TRHR: variants seen among roughly 807,000 people sequenced by gnomAD.
TRHR encodes the protein thyrotropin releasing hormone receptor, also known as thyrotropin-releasing hormone receptor.
Under a neutral mutation model 28.0 loss-of-function variants are expected in TRHR, and 14 were observed. The observed-to-expected ratio is 0.50, with a 90% CI of 0.33 to 0.78. The LOEUF is 0.78. Ranked by LOEUF, TRHR falls within the 30% of genes least tolerant of loss-of-function variation. The pLI, the probability that TRHR is intolerant of heterozygous loss-of-function variation, is 0.02. For synonymous variants in TRHR, 176 were observed against 171.9 expected (o/e 1.02, Z -0.18); for missense variants, 438 against 469.5 (o/e 0.93, Z 0.62).
intron 2 of TRHR, among the ~76,000 whole-genome samples, chr8:109,103,252 A>T (rs1324705479): frequency 3.9e-5 from 6 of 152,140 alleles, no homozygotes; most frequent in Non-Finnish European, 7.4e-5. Flanking sequence ...GACATGTCTT[A>T]TGTTCACAGT....
rs1811992548 is a variant in TRHR at position 109,120,533 on chromosome 8, C to T, written c.*1078C>T. 6.6e-6 allele frequency among the ~76,000 whole-genome samples: 1 copy of T among 151,370 alleles called. No homozygotes were observed. The highest frequency in any genetic ancestry group is 2.4e-5 in the African/African-American group (1 of 41,256). On this transcript the variant is annotated 3_prime_UTR_variant, in exon 3 of 3. Coordinates refer to ENST00000518632, the MANE Select transcript of TRHR (RefSeq NM_003301.7). ...TTTACCTTGACTGCAATTGTCTTTC[C>T]TTCCTATCTGCTTGTTGTTTGTAGG...
chr8:109,091,131 A>G (rs1811512680), intron 2 of TRHR, among the ~76,000 whole-genome samples: 1 of 152,192 alleles, frequency 6.6e-6, no homozygotes, highest in Non-Finnish European at 1.5e-5. Flanking sequence ...TTGGTGGAAG[A>G]AAGACCACTT....
chr8:109,109,255 T>G (rs536441642), intron 2 of TRHR, among the ~76,000 whole-genome samples: 1 of 152,128 alleles, frequency 6.6e-6, no homozygotes, highest in South Asian at 2.1e-4. Context: ...TCAGGAAAAA[T>G]ATTCCTTCCC....
intron 2 of TRHR, among the ~76,000 whole-genome samples, chr8:109,118,490 A>G (rs1811952645): frequency 6.6e-6 from 1 of 151,980 alleles, no homozygotes; most frequent in Admixed American, 6.6e-5. Context: ...AAGTCTCCTA[A>G]TGCTTGTCAC....
intron 2 of TRHR, among the ~76,000 whole-genome samples, chr8:109,115,545 C>T (rs574024591): frequency 6.6e-6 from 1 of 152,184 alleles, no homozygotes; most frequent in East Asian, 1.9e-4. Flanking sequence ...AAGTTGGATT[C>T]CTAGGTATTT....
intron 2 of TRHR, among the ~76,000 whole-genome samples, chr8:109,105,553 A>T (rs142856183): frequency 1.3e-5 from 2 of 152,292 alleles, no homozygotes; most frequent in Non-Finnish European, 2.9e-5. Flanking sequence ...TCTAAGGAGA[A>T]ATGGGAAAAC....
chr8:109,094,880 A>C (rs953222197), intron 2 of TRHR, among the ~76,000 whole-genome samples: 1 of 152,086 alleles, frequency 6.6e-6, no homozygotes, highest in Non-Finnish European at 1.5e-5. Context: ...GCTAAACTTG[A>C]AGATGACAAA....
chr8:109,110,631 C>T (rs1032389649), intron 2 of TRHR, among the ~76,000 whole-genome samples: 1 of 152,144 alleles, frequency 6.6e-6, no homozygotes, highest in African/African-American at 2.4e-5. Flanking sequence ...GCATTAGCAT[C>T]CCTGGGTGGC....
chr8:109,101,678 G>C (rs985738471), intron 2 of TRHR, among the ~76,000 whole-genome samples: 5 of 152,156 alleles, frequency 3.3e-5, no homozygotes, highest in African/African-American at 1.2e-4. Context: ...GGTTAAGCAT[G>C]TCAGGTTTAG....
intron 2 of TRHR, among the ~76,000 whole-genome samples, chr8:109,088,948 T>G (rs967829321): frequency 4.6e-5 from 7 of 152,160 alleles, no homozygotes; most frequent in African/African-American, 1.7e-4. Context: ...CAAGCTCAAT[T>G]TTTCATAAAG....
rs1811984898 is a variant in TRHR at position 109,120,132 on chromosome 8, A to G, written c.*677A>G. The stretch of plus-strand genomic sequence containing the variant: ...ATCTGAAATTATTAATTAAGGAGAA[A>G]TGTAGATTTTAAGATAAATCCAACT... On this transcript the variant is annotated 3_prime_UTR_variant, in exon 3 of 3. Coordinates refer to ENST00000518632, the MANE Select transcript of TRHR (RefSeq NM_003301.7). Among the ~76,000 whole-genome samples the G allele has an allele frequency of 6.6e-6, 1 of 151,838 alleles. No homozygotes were observed. Among genetic ancestry groups the G allele is most frequent in the East Asian group, 1.9e-4 (1 of 5,156 alleles).
chr8:109,120,194 A>G lies in TRHR; in HGVS notation c.*739A>G, dbSNP rs1348222653. On this transcript the variant is annotated 3_prime_UTR_variant, in exon 3 of 3. Coordinates refer to ENST00000518632, the MANE Select transcript of TRHR (RefSeq NM_003301.7). ...TTCCAGCCTCCCACATGATGGGTGGAAAAAGGCAAAAGCCCAGATTAAGTA... is the reference window on the plus strand; with the variant it reads ...TTCCAGCCTCCCACATGATGGGTGGGAAAAGGCAAAAGCCCAGATTAAGTA... Among the ~76,000 whole-genome samples the G allele has an allele frequency of 2.0e-5, 3 of 151,862 alleles. No individual in the cohort carries two copies. Among genetic ancestry groups the G allele is most frequent in the African/African-American group, 7.2e-5 (3 of 41,410 alleles).
In TRHR at chr8:109,120,394, TAGCTGAAA is replaced by T. The variant is rs1218358351; in HGVS notation, c.*942_*949del. Among the ~76,000 whole-genome samples the T allele has an allele frequency of 1.3e-5, 2 of 151,840 alleles. No individual in the cohort carries two copies. The highest frequency in any genetic ancestry group is 2.9e-5 in the Non-Finnish European group (2 of 67,870). On this transcript the variant is annotated 3_prime_UTR_variant, in exon 3 of 3. Coordinates refer to ENST00000518632, the MANE Select transcript of TRHR (RefSeq NM_003301.7). ...TCAAGCAAATCATTCAAGCAAAATC[TAGCTGAAA>T]AGTCTGAAACATTCTTAAAAGCTTT...
At chr8:109,104,595 T>G (rs1013553478) in intron 2 of TRHR, among the ~76,000 whole-genome samples, 12 of 152,140 alleles carry the variant, frequency 7.9e-5, no homozygotes, top group African/African-American at 2.7e-4. Flanking sequence ...ATTGCAAATT[T>G]GTTGTTGTCA....
At chr8:109,113,773 C>T (rs1167122203) in intron 2 of TRHR, among the ~76,000 whole-genome samples, 1 of 152,034 alleles carries the variant, frequency 6.6e-6, no homozygotes, top group Non-Finnish European at 1.5e-5. Flanking sequence ...AGGCAATATA[C>T]AGATGTTAGC....
At position 109,088,194 on chromosome 8, in the gene TRHR, A is replaced by G; in HGVS notation, c.682A>G (p.Lys228Glu). ...CTTAAATCCCATTCCTTCAGATCCT[A>G]AAGAAAACTCTAAGACATGGAAAAA... ...LFLNPIPSDP[K>E]ENSKTWKNDS... The change falls in exon 2 of 3, where the codon AAA becomes GAA. Residue 228 changes from lysine to glutamate, a missense_variant. By Grantham distance (56) the Lys-to-Glu change is moderately conservative. Coordinates refer to ENST00000518632, the MANE Select transcript of TRHR (RefSeq NM_003301.7). The G allele has an allele frequency of 1.9e-6, 3 of 1,614,158 alleles. No individual in the cohort carries two copies. Among genetic ancestry groups the G allele is most frequent in the Non-Finnish European group, 2.5e-6 (3 of 1,180,010 alleles).
intron 2 of TRHR, among the ~76,000 whole-genome samples, chr8:109,110,049 C>T (rs746329884): frequency 4.6e-5 from 7 of 152,148 alleles, no homozygotes; most frequent in Admixed American, 6.5e-5. Context: ...CTAATGACAG[C>T]GTCAGCTCAT....
chr8:109,093,916 T>C (rs551317571), intron 2 of TRHR, among the ~76,000 whole-genome samples: 1 of 150,362 alleles, frequency 6.7e-6, no homozygotes, highest in East Asian at 1.9e-4. Context: ...TGTCTGGAAC[T>C]TGGGGTATTA....
chr8:109,115,130 T>A (rs546596547), intron 2 of TRHR, among the ~76,000 whole-genome samples: 1 of 152,124 alleles, frequency 6.6e-6, no homozygotes, highest in South Asian at 2.1e-4. Context: ...GTTGTAGATA[T>A]GCGGCGTTAT....
Sources: allele counts gnomAD v4.1 joint callset (sites outside exome capture counted in the v4.1 genomes callset), GRCh38; gene constraint gnomAD v4.1.1; transcripts MANE v1.5; gene names NCBI Gene and HGNC (gene_info 2026-07-23, HGNC 2026-07-21).